The following GALNTL5 variants were observed in gnomAD, a reference collection of about 807,000 sequenced individuals.
The protein encoded by GALNTL5 is inactive polypeptide N-acetylgalactosaminyltransferase-like protein 5.
Under a neutral mutation model 51.0 loss-of-function variants are expected in GALNTL5, and 44 were observed. The observed-to-expected ratio is 0.86, with a 90% CI of 0.68 to 1.11. The LOEUF (loss-of-function observed/expected upper bound fraction) is 1.11. Among genes scored for constraint, GALNTL5 ranks in the 50% least tolerant of loss-of-function variants. The probability of loss-of-function intolerance (pLI) is 0.00; values close to 1 mark genes in which losing one functional copy is unlikely to be tolerated. For synonymous variants in GALNTL5, 192 were observed against 182.8 expected, an observed-to-expected ratio of 1.05 and a Z score of -0.41; for missense variants, 528 against 531.8, an observed-to-expected ratio of 0.99 and a Z score of 0.07.
At chr7:151,970,148 T>G (rs1177478746) in intron 2 of GALNTL5, among the ~76,000 whole-genome samples, 1 of 94,022 alleles carries the variant, frequency 1.1e-5, no homozygotes, top group Non-Finnish European at 2.3e-5. Flanking sequence ...AGGGGGTAGT[T>G]GGGGGGGCCC....
chr7:152,002,173 G>A (rs531720020), intron 5 of GALNTL5, among the ~76,000 whole-genome samples: 11 of 152,154 alleles, frequency 7.2e-5, no homozygotes, highest in Middle Eastern at 3.4e-3. Flanking sequence ...CCAGCTACTT[G>A]GGAGGCTGAG....
intron 1 of GALNTL5, among the ~76,000 whole-genome samples, chr7:151,958,743 C>T (rs1323300666): frequency 6.6e-6 from 1 of 152,184 alleles, no homozygotes; most frequent in Non-Finnish European, 1.5e-5. Context: ...TTGCACCCAT[C>T]ATTCGGTGGG....
intron 8 of GALNTL5, among the ~76,000 whole-genome samples, 194 bp downstream of exon 8, chr7:152,014,987 C>T (rs1420249237): frequency 6.6e-6 from 1 of 152,106 alleles, no homozygotes; most frequent in African/African-American, 2.4e-5. Context: ...TATACATGGA[C>T]ACAAAGCAGG....
In GALNTL5 at chr7:152,000,120, C is replaced by T. The variant is rs75444318; in HGVS notation, c.659-2594C>T. Among the ~76,000 whole-genome samples the T allele has an allele frequency of 2.7e-3, 409 of 152,274 alleles. 3 individuals are homozygous for T. The highest frequency in any genetic ancestry group is 9.5e-3 in the African/African-American group (393 of 41,536). On this transcript the variant is annotated intron_variant, in intron 5 of 8. Transcript: ENST00000392800. ...CTAATGTTAGTTTTCTGCCGAAAATCAAAAGGATAAAAAGACTGTGACCAG... is the reference window on the plus strand; with the variant it reads ...CTAATGTTAGTTTTCTGCCGAAAATTAAAAGGATAAAAAGACTGTGACCAG...
chr7:151,974,454 A>G (rs1169502564), intron 3 of GALNTL5, among the ~76,000 whole-genome samples: 1 of 152,192 alleles, frequency 6.6e-6, no homozygotes. Context: ...TACTTACATT[A>G]AGGATATCCA....
intron 5 of GALNTL5, among the ~76,000 whole-genome samples, chr7:151,989,643 AT>A (rs2081402247): frequency 6.6e-6 from 1 of 152,208 alleles, no homozygotes; most frequent in East Asian, 1.9e-4. Context: ...TTTATTTTAA[AT>A]TTTGAAAGAT....
intron 5 of GALNTL5, among the ~76,000 whole-genome samples, chr7:152,001,217 T>C (rs1005790141): frequency 6.6e-6 from 1 of 152,028 alleles, no homozygotes; most frequent in African/African-American, 2.4e-5. Flanking sequence ...CAGCCATTTT[T>C]TTTTTTTCAT....
chr7:151,983,266 C>T, intron 4 of GALNTL5, 114 bp downstream of exon 4: 1 of 862,242 alleles, frequency 1.2e-6, no homozygotes, highest in Non-Finnish European at 1.9e-6. Context: ...CAACCTCTGC[C>T]TCCTGAGTTC....
At chr7:151,960,731 T>G (rs1252367614) in intron 1 of GALNTL5, 6 of 152,188 alleles carry the variant, frequency 3.9e-5, no homozygotes, top group Non-Finnish European at 8.8e-5. Context: ...AGGGGGACAC[T>G]TGGGCAAAGC....
intron 2 of GALNTL5, 35 bp from the exon 3 acceptor site, chr7:151,970,910 T>C (rs757120699): frequency 1.3e-6 from 2 of 1,550,884 alleles, no homozygotes; most frequent in African/African-American, 2.7e-5. Context: ...CTAGTAAGCC[T>C]TTACTTATAT....
At position 151,975,972 on chromosome 7, in the gene GALNTL5, G is replaced by A. The variant is rs1228882565; in HGVS notation, c.368+4907G>A. ...TTTCAATCTTAAATTGTTAAGACTT[G>A]TTCTGTGGCCTAATATTTGATCAAT... On this transcript the variant is annotated intron_variant, in intron 3 of 8. Coordinates refer to ENST00000392800, the MANE Select transcript of GALNTL5 (RefSeq NM_145292.4). 2.0e-5 allele frequency among the ~76,000 whole-genome samples: 3 copies of A among 152,106 alleles called. No individual in the cohort carries two copies. In the East Asian group the frequency reaches 5.8e-4, roughly 29 times the overall value.
intron 1 of GALNTL5, among the ~76,000 whole-genome samples, chr7:151,965,642 G>A (rs999175473): frequency 3.9e-5 from 6 of 152,158 alleles, no homozygotes; most frequent in African/African-American, 1.4e-4. Context: ...ACTTTGTGAG[G>A]CTAAGGCGGC....
chr7:151,997,642 A>G (rs1214738821), intron 5 of GALNTL5, among the ~76,000 whole-genome samples: 2 of 152,214 alleles, frequency 1.3e-5, no homozygotes, highest in African/African-American at 2.4e-5. Flanking sequence ...GCAATTTTTA[A>G]TATTGCATTT....
chr7:152,012,302 A>G (rs1349092667), intron 7 of GALNTL5, among the ~76,000 whole-genome samples: 6 of 152,202 alleles, frequency 3.9e-5, no homozygotes, highest in African/African-American at 1.2e-4. Flanking sequence ...TGACCAGCTA[A>G]GTGGATGGAG....
At chr7:152,001,501 A>G (rs532435384) in intron 5 of GALNTL5, among the ~76,000 whole-genome samples, 3 of 152,262 alleles carry the variant, frequency 2.0e-5, no homozygotes, top group East Asian at 1.9e-4. Flanking sequence ...CCTCAGCACA[A>G]TTTATTGAAA....
chr7:152,014,822 T>C (rs2081785927), intron 8 of GALNTL5, 29 bp downstream of exon 8: 2 of 1,581,734 alleles, frequency 1.3e-6, no homozygotes, highest in South Asian at 1.2e-5. Context: ...ACTTGGAAAA[T>C]GTATGCGAGG....
At chr7:151,959,722 G>C (rs11970964) in intron 1 of GALNTL5, among the ~76,000 whole-genome samples, 104,837 of 151,940 alleles carry the variant, frequency 0.69, 36,608 homozygotes, top group African/African-American at 0.8. Flanking sequence ...CAGGGTAGCA[G>C]TTTCCCACAC....
chr7:151,971,399 G>A (rs950970823), intron 3 of GALNTL5, among the ~76,000 whole-genome samples: 1 of 152,104 alleles, frequency 6.6e-6, no homozygotes, highest in African/African-American at 2.4e-5. Flanking sequence ...AAATGCTCTG[G>A]ACAGCTACTT....
chr7:151,982,718 A>C, intron 3 of GALNTL5: 1 of 531,980 alleles, frequency 1.9e-6, no homozygotes, highest in South Asian at 2.0e-5. Context: ...TATGTTTAAA[A>C]TAGAACTGAG....
Sources: allele counts gnomAD v4.1 joint callset (sites outside exome capture counted in the v4.1 genomes callset), GRCh38; gene constraint gnomAD v4.1.1; transcripts MANE v1.5; gene names NCBI Gene and HGNC (gene_info 2026-07-23, HGNC 2026-07-21).